The following TTC29 variants were observed in gnomAD, a reference collection of about 807,000 sequenced individuals.
The protein encoded by TTC29 is tetratricopeptide repeat protein 29.
A neutral mutation model predicts 58.1 loss-of-function variants in TTC29; 49 were observed. That is an observed-to-expected ratio of 0.84 (90% CI 0.67 to 1.07). TTC29 has a LOEUF of 1.07. Among genes scored for constraint, TTC29 ranks in the 50% least tolerant of loss-of-function variants. TTC29 has a pLI of 0.00. For synonymous variants in TTC29, 209 were observed against 196.8 expected, an observed-to-expected ratio of 1.06 and a Z score of -0.52; for missense variants, 582 against 555.6, an observed-to-expected ratio of 1.05 and a Z score of -0.48.
intron 8 of TTC29, among the ~76,000 whole-genome samples, chr4:146,845,866 C>T (rs1729134828): frequency 6.6e-6 from 1 of 152,094 alleles, no homozygotes; most frequent in Non-Finnish European, 1.5e-5. Flanking sequence ...TATTCTAGCA[C>T]TCACCACATT....
chr4:146,943,036 T>C (rs1736559361), intron 2 of TTC29: 1 of 158,878 alleles, frequency 6.3e-6, no homozygotes, highest in South Asian at 2.0e-4. Context: ...GCATGTTATA[T>C]AAAATTTATC....
chr4:146,764,271 A>AC (rs1747126843), intron 11 of TTC29: 2 of 152,048 alleles, frequency 1.3e-5, no homozygotes, highest in Admixed American at 6.6e-5. Flanking sequence ...CTTATTAAAA[A>AC]CAGCATATTC....
intron 7 of TTC29, among the ~76,000 whole-genome samples, chr4:146,871,900 G>A (rs533639450): frequency 6.6e-6 from 1 of 152,020 alleles, no homozygotes; most frequent in African/African-American, 2.4e-5. Flanking sequence ...TTAACAAGCT[G>A]ATCCTAAAAT....
At chr4:146,935,127 T>A (rs776363753) in intron 4 of TTC29, among the ~76,000 whole-genome samples, 20 of 151,952 alleles carry the variant, frequency 1.3e-4, no homozygotes, top group Non-Finnish European at 2.9e-4. Context: ...GGAGGTTAAG[T>A]CTTGGGAGCA....
intron 8 of TTC29, among the ~76,000 whole-genome samples, chr4:146,834,808 G>A (rs922433131): frequency 6.6e-6 from 1 of 152,130 alleles, no homozygotes; most frequent in East Asian, 1.9e-4. Flanking sequence ...AAGTCTGAGC[G>A]GCAGGGTTGA....
intron 4 of TTC29, among the ~76,000 whole-genome samples, chr4:146,930,026 CAATA>C (rs1250538627): frequency 2.2e-5 from 3 of 138,404 alleles, no homozygotes; most frequent in African/African-American, 8.0e-5. Flanking sequence ...TGCACACATA[CAATA>C]TATATATATA....
intron 11 of TTC29, among the ~76,000 whole-genome samples, chr4:146,795,308 G>C (rs1297202717): frequency 6.6e-6 from 1 of 152,078 alleles, no homozygotes; most frequent in Non-Finnish European, 1.5e-5. Flanking sequence ...GGATGGACTG[G>C]CATTAAAATG....
At chr4:146,725,218 A>G (rs1579529429) in intron 11 of TTC29, among the ~76,000 whole-genome samples, 1 of 152,150 alleles carries the variant, frequency 6.6e-6, no homozygotes, top group East Asian at 1.9e-4. Flanking sequence ...AAAAGATATG[A>G]CAGTACTTAT....
chr4:146,871,449 A>G (rs1373931467), intron 7 of TTC29, among the ~76,000 whole-genome samples: 1 of 151,988 alleles, frequency 6.6e-6, no homozygotes, highest in African/African-American at 2.4e-5. Flanking sequence ...GATAAGGCAC[A>G]TAGATAGAAG....
chr4:146,814,762 C>A (rs1020236740), intron 10 of TTC29, among the ~76,000 whole-genome samples: 1 of 140,058 alleles, frequency 7.1e-6, no homozygotes, highest in Non-Finnish European at 1.5e-5. Context: ...GGGAGGGGGG[C>A]GACTTGATGG....
intron 9 of TTC29, among the ~76,000 whole-genome samples, chr4:146,833,418 A>C (rs1440319694): frequency 6.6e-6 from 1 of 152,238 alleles, no homozygotes; most frequent in Non-Finnish European, 1.5e-5. Context: ...TGACTGAAGC[A>C]TAAATGGAAA....
chr4:146,716,013 G>T (rs1742903947), intron 11 of TTC29, among the ~76,000 whole-genome samples: 1 of 151,934 alleles, frequency 6.6e-6, no homozygotes, highest in Admixed American at 6.6e-5. Context: ...CATTATTTTT[G>T]TTTTTACATT....
At chr4:146,813,494 C>T (rs1751167970) in intron 10 of TTC29, among the ~76,000 whole-genome samples, 1 of 152,074 alleles carries the variant, frequency 6.6e-6, no homozygotes. Flanking sequence ...ATTATAATTA[C>T]TATAATAATT....
intron 8 of TTC29, among the ~76,000 whole-genome samples, chr4:146,840,137 C>T (rs182990124): frequency 6.6e-6 from 1 of 150,950 alleles, no homozygotes; most frequent in Non-Finnish European, 1.5e-5. Context: ...GATACTATCT[C>T]TTAATCTTTT....
chr4:146,881,441 T>C (rs1056486537), intron 6 of TTC29, among the ~76,000 whole-genome samples: 1 of 152,078 alleles, frequency 6.6e-6, no homozygotes, highest in African/African-American at 2.4e-5. Flanking sequence ...AAAGGAACAA[T>C]AAAGCTTTAC....
chr4:146,843,800 CT>C (rs1728998826), intron 8 of TTC29, among the ~76,000 whole-genome samples: 1 of 152,122 alleles, frequency 6.6e-6, no homozygotes, highest in South Asian at 2.1e-4. Flanking sequence ...TACTTTATCT[CT>C]TTAAACTTTC....
chr4:146,785,239 C>T (rs1291196838), intron 11 of TTC29, among the ~76,000 whole-genome samples: 3 of 146,308 alleles, frequency 2.1e-5, no homozygotes, highest in African/African-American at 7.7e-5. Context: ...GTTGCCCAGG[C>T]TGGAGTGCAA....
intron 11 of TTC29, among the ~76,000 whole-genome samples, chr4:146,803,202 G>GA (rs147322093): frequency 2.4e-4 from 35 of 145,038 alleles, no homozygotes; most frequent in East Asian, 6.0e-4. Context: ...GATAACTGGT[G>GA]AAAAAAAAAA....
At chr4:146,707,318 G>T in intron 12 of TTC29, 130 bp from the exon 13 acceptor site, 1 of 787,330 alleles carries the variant, frequency 1.3e-6, no homozygotes, top group Non-Finnish European at 2.0e-6. Context: ...TTAACCTTAT[G>T]TGACATTTGA....
Sources: allele counts gnomAD v4.1 joint callset (sites outside exome capture counted in the v4.1 genomes callset), GRCh38; gene constraint gnomAD v4.1.1; transcripts MANE v1.5; gene names NCBI Gene and HGNC (gene_info 2026-07-23, HGNC 2026-07-21).